Variants in SEMA6D observed in about 807,000 individuals in gnomAD.
The protein encoded by SEMA6D is semaphorin-6D.
A neutral mutation model predicts 106.6 loss-of-function variants in SEMA6D; 35 were observed. That is an observed-to-expected ratio of 0.33 (90% CI 0.25 to 0.44). The LOEUF (loss-of-function observed/expected upper bound fraction) is 0.44, where lower values mean the gene tolerates loss of function less well. SEMA6D is among the 20% of genes least tolerant of loss of function. The pLI, the probability that SEMA6D is intolerant of heterozygous loss-of-function variation, is 1.00. For missense variants in SEMA6D, 1,185 were observed against 1,345.9 expected (o/e 0.88, Z 1.87); for synonymous variants, 499 against 487.7 (o/e 1.02, Z -0.31).
rs962794670 is a variant in SEMA6D, at chr15:47,365,225, A to G, written c.-238-47168A>G. On this transcript the variant is annotated intron_variant, in intron 1 of 19. Transcript: ENST00000558014. ...CTGGCGAGGCAAGGTTAAAACTGGA[A>G]AGCCAATTTTATTTATGCTTTGCAC... 2.6e-5 allele frequency among the ~76,000 whole-genome samples: 4 copies of G among 152,250 alleles called. No homozygotes were observed. The East Asian group carries it at 7.8e-4, about 30-fold the overall frequency.
chr15:47,426,602 AG>A (rs2140477836), intron 2 of SEMA6D, among the ~76,000 whole-genome samples: 1 of 152,248 alleles, frequency 6.6e-6, no homozygotes, highest in African/African-American at 2.4e-5. Context: ...ACAGAAGGAA[AG>A]ATTTGAAGAT....
intron 4 of SEMA6D, among the ~76,000 whole-genome samples, chr15:47,708,184 A>T (rs766784987): frequency 1.1e-4 from 17 of 152,220 alleles, no homozygotes; most frequent in Non-Finnish European, 2.4e-4. Flanking sequence ...TCCTAAAAAA[A>T]TCTGTCTTCT....
At chr15:47,312,211 A>C (rs967570647) in intron 1 of SEMA6D, among the ~76,000 whole-genome samples, 1 of 149,844 alleles carries the variant, frequency 6.7e-6, no homozygotes, top group African/African-American at 2.5e-5. Flanking sequence ...GCTGGATGAC[A>C]GCGATAGCTC....
At chr15:47,231,718 TAGG>T (rs1195476393) in intron 1 of SEMA6D, among the ~76,000 whole-genome samples, 1 of 152,038 alleles carries the variant, frequency 6.6e-6, no homozygotes, top group East Asian at 1.9e-4. Context: ...AGATGGCAAT[TAGG>T]AGAAGAAATA....
chr15:47,377,193 T>C (rs1211734945), intron 1 of SEMA6D, among the ~76,000 whole-genome samples: 1 of 152,242 alleles, frequency 6.6e-6, no homozygotes, highest in Non-Finnish European at 1.5e-5. Flanking sequence ...AGTAATAATC[T>C]AATTTTTCCA....
chr15:47,269,757 G>A (rs1360894813), intron 1 of SEMA6D, among the ~76,000 whole-genome samples: 1 of 151,880 alleles, frequency 6.6e-6, no homozygotes, highest in African/African-American at 2.4e-5. Flanking sequence ...TTTCTAATAA[G>A]GTAATTCATT....
intron 1 of SEMA6D, among the ~76,000 whole-genome samples, chr15:47,341,518 T>G (rs1194647820): frequency 6.6e-6 from 1 of 152,176 alleles, no homozygotes; most frequent in Non-Finnish European, 1.5e-5. Context: ...CACTGAGCAA[T>G]TGTATGATTG....
At chr15:47,542,603 C>T (rs1275543918) in intron 3 of SEMA6D, among the ~76,000 whole-genome samples, 1 of 152,144 alleles carries the variant, frequency 6.6e-6, no homozygotes, top group East Asian at 1.9e-4. Context: ...ACTTTGCTTC[C>T]CTATCCATTC....
chr15:47,739,104 C>T (rs1264225673), intron 1 of SEMA6D, among the ~76,000 whole-genome samples: 1 of 152,192 alleles, frequency 6.6e-6, no homozygotes, highest in African/African-American at 2.4e-5. Context: ...CACAGCATCA[C>T]ATCACCACAT....
chr15:47,715,869 A>C (rs2079101520), upstream of SEMA6D, among the ~76,000 whole-genome samples: 6 of 152,310 alleles, frequency 3.9e-5, no homozygotes, highest in South Asian at 1.2e-3. Context: ...CTCCTCATCA[A>C]GCCAATGGCC....
At chr15:47,327,305 T>A (rs2037170614) in intron 1 of SEMA6D, among the ~76,000 whole-genome samples, 1 of 152,234 alleles carries the variant, frequency 6.6e-6, no homozygotes, top group Non-Finnish European at 1.5e-5. Context: ...AGTGGCTTAG[T>A]GCCAAGCATT....
chr15:47,662,902 GAAT>G (rs559020517), intron 4 of SEMA6D, among the ~76,000 whole-genome samples: 105 of 150,200 alleles, frequency 7.0e-4, no homozygotes, highest in Middle Eastern at 3.4e-3. Context: ...GAATCATTTG[GAAT>G]AATAAAAGTT....
intron 3 of SEMA6D, among the ~76,000 whole-genome samples, chr15:47,593,201 G>C (rs370461567): frequency 2.2e-3 from 330 of 151,996 alleles, no homozygotes; most frequent in African/African-American, 7.8e-3. Context: ...TCAGGAGATC[G>C]AGACCATCCT....
intron 3 of SEMA6D, among the ~76,000 whole-genome samples, chr15:47,518,991 G>A (rs1386772143): frequency 2.0e-5 from 3 of 152,208 alleles, no homozygotes; most frequent in African/African-American, 4.8e-5. Context: ...TTGGGAGGCC[G>A]AGGCAGGTGG....
chr15:47,435,912 G>C (rs1386173399), intron 2 of SEMA6D, among the ~76,000 whole-genome samples: 1 of 151,958 alleles, frequency 6.6e-6, no homozygotes, highest in East Asian at 1.9e-4. Flanking sequence ...GGGGCGATAT[G>C]GTTTGCTTTG....
chr15:47,734,844 C>G (rs1176160220), intron 1 of SEMA6D, among the ~76,000 whole-genome samples: 2 of 152,198 alleles, frequency 1.3e-5, no homozygotes, highest in Non-Finnish European at 2.9e-5. Context: ...AATTAGCACT[C>G]TTCTTGAGAA....
chr15:47,488,476 GA>G (rs66995768), intron 3 of SEMA6D, among the ~76,000 whole-genome samples: 10,540 of 146,738 alleles, frequency 0.072, 483 homozygotes, highest in Middle Eastern at 0.15. Context: ...TCTCATTTTT[GA>G]AAAAAAAAAC....
intron 1 of SEMA6D, among the ~76,000 whole-genome samples, chr15:47,378,318 A>G (rs529888409): frequency 6.6e-5 from 10 of 152,238 alleles, no homozygotes; most frequent in African/African-American, 2.4e-4. Flanking sequence ...TAACATGGAG[A>G]AACCCCATCT....
intron 4 of SEMA6D, among the ~76,000 whole-genome samples, chr15:47,608,564 C>A (rs1019317621): frequency 1.2e-4 from 19 of 152,078 alleles, no homozygotes; most frequent in Non-Finnish European, 2.4e-4. Flanking sequence ...TTTCTCTTCC[C>A]AGTTAAAGAG....
Sources: gnomAD v4.1 joint callset for allele counts (sites outside exome capture counted in the v4.1 genomes callset) on GRCh38, gnomAD v4.1.1 for gene constraint, MANE v1.5 for transcripts, NCBI Gene and HGNC (gene_info 2026-07-23, HGNC 2026-07-21) for gene names.